PPARGC1A: variants seen among roughly 807,000 people sequenced by gnomAD.
The protein encoded by PPARGC1A is PPARG coactivator 1 alpha.
In PPARGC1A, 25 loss-of-function variants were observed where a neutral mutation model predicts 88.7. The observed-to-expected ratio is 0.28, with a 90% CI of 0.21 to 0.39. The LOEUF is 0.39. PPARGC1A is among the 10% of genes least tolerant of loss of function. PPARGC1A has a pLI of 1.00. For missense variants in PPARGC1A, 880 were observed against 968.7 expected (o/e 0.91, Z 1.22); for synonymous variants, 363 against 355.6 (o/e 1.02, Z -0.24).
the PPARGC1A span, among the ~76,000 whole-genome samples, chr4:23,967,881 A>G: frequency 2.0e-5 from 3 of 152,304 alleles, no homozygotes; most frequent in East Asian, 5.8e-4. Flanking sequence ...ATAGGAACAT[A>G]TAGCTTAGAG....
At chr4:24,260,861 C>A in the PPARGC1A span, among the ~76,000 whole-genome samples, 55,207 of 151,954 alleles carry the variant, frequency 0.36, 11,046 homozygotes, top group Non-Finnish European at 0.46. Flanking sequence ...TTTATTTTCC[C>A]AGTTTGGGTC....
the PPARGC1A span, among the ~76,000 whole-genome samples, chr4:24,185,214 T>C: frequency 5.3e-4 from 81 of 152,284 alleles, no homozygotes; most frequent in Non-Finnish European, 1.0e-3. Context: ...TGAGTAATTA[T>C]GTCCTTCACC....
At chr4:24,033,354 GT>G in the PPARGC1A span, among the ~76,000 whole-genome samples, 1 of 151,994 alleles carries the variant, frequency 6.6e-6, no homozygotes, top group African/African-American at 2.4e-5. Flanking sequence ...AGCACTTACT[GT>G]TTTTATAATA....
At position 23,814,283 on chromosome 4, in the gene PPARGC1A, T is replaced by C. The variant is rs1721511355; in HGVS notation, c.1200A>G (p.Ile400Met). The change falls in exon 8 of 13, where the codon ATA becomes ATG. Residue 400 changes from isoleucine to methionine, a missense_variant. Coordinates refer to ENST00000264867, the MANE Select transcript of PPARGC1A (RefSeq NM_013261.5). Reference protein sequence around the residue: ...INSKTEILINISQELQDSRQL... With the variant: ...INSKTEILINMSQELQDSRQL... Reference sequence around the variant, plus strand: ...GTCTAGAGTCTTGGAGCTCCTGTGATATATTAATGAGTATTTCTGTTTTGG... The same window carrying C: ...GTCTAGAGTCTTGGAGCTCCTGTGACATATTAATGAGTATTTCTGTTTTGG... The C allele has an allele frequency of 6.2e-7, 1 of 1,614,086 alleles. No individual in the cohort carries two copies. Among genetic ancestry groups the C allele is most frequent in the Non-Finnish European group, 8.5e-7 (1 of 1,179,996 alleles).
At chr4:24,371,562 G>C in the PPARGC1A span, among the ~76,000 whole-genome samples, 1 of 152,156 alleles carries the variant, frequency 6.6e-6, no homozygotes, top group South Asian at 2.1e-4. Context: ...AAGTCTAAGA[G>C]GAAAAGGAAA....
At chr4:24,272,680 A>G in the PPARGC1A span, among the ~76,000 whole-genome samples, 7 of 152,128 alleles carry the variant, frequency 4.6e-5, no homozygotes, top group African/African-American at 1.2e-4. Flanking sequence ...AGAACCCCCA[A>G]CGTCATCATA....
At chr4:23,864,381 TATC>T (rs2148727030) in intron 2 of PPARGC1A, among the ~76,000 whole-genome samples, 1 of 152,308 alleles carries the variant, frequency 6.6e-6, no homozygotes, top group African/African-American at 2.4e-5. Context: ...GGTCTGTAAT[TATC>T]ATGGTTTCCG....
the PPARGC1A span, among the ~76,000 whole-genome samples, chr4:23,996,905 T>C: frequency 6.6e-6 from 1 of 152,210 alleles, no homozygotes; most frequent in Non-Finnish European, 1.5e-5. Context: ...TGAAGGACAG[T>C]AATTAAACTT....
At chr4:24,033,247 T>C in the PPARGC1A span, among the ~76,000 whole-genome samples, 11 of 152,348 alleles carry the variant, frequency 7.2e-5, no homozygotes, top group East Asian at 9.6e-4. Flanking sequence ...GTAATTAGAA[T>C]AGTCCCTCCC....
chr4:24,315,434 G>T, the PPARGC1A span, among the ~76,000 whole-genome samples: 1 of 152,120 alleles, frequency 6.6e-6, no homozygotes, highest in South Asian at 2.1e-4. Flanking sequence ...CATAGCGTTA[G>T]GTGCCAAACA....
the PPARGC1A span, among the ~76,000 whole-genome samples, chr4:24,140,137 G>A: frequency 2.0e-5 from 3 of 152,152 alleles, no homozygotes; most frequent in African/African-American, 4.8e-5. Flanking sequence ...ATCTATCTGT[G>A]TGAAACGCTA....
chr4:23,827,692 C>G (rs1172048401), intron 5 of PPARGC1A, among the ~76,000 whole-genome samples: 1 of 152,142 alleles, frequency 6.6e-6, no homozygotes, highest in Non-Finnish European at 1.5e-5. Context: ...TAATAAAAAT[C>G]AACCCAGATG....
At chr4:24,154,896 A>T in the PPARGC1A span, among the ~76,000 whole-genome samples, 3 of 152,214 alleles carry the variant, frequency 2.0e-5, no homozygotes, top group Admixed American at 6.5e-5. Flanking sequence ...CATTGTGGAA[A>T]GCCCTTTGGA....
At chr4:24,115,204 T>A in the PPARGC1A span, among the ~76,000 whole-genome samples, 1 of 152,224 alleles carries the variant, frequency 6.6e-6, no homozygotes, top group Non-Finnish European at 1.5e-5. Context: ...GAAAGAAATG[T>A]CATCCAATAA....
At chr4:24,084,242 A>C in the PPARGC1A span, among the ~76,000 whole-genome samples, 1 of 152,200 alleles carries the variant, frequency 6.6e-6, no homozygotes, top group Non-Finnish European at 1.5e-5. Context: ...TCCTGGCTAG[A>C]CCCTCCTGCA....
chr4:24,315,883 T>C, the PPARGC1A span, among the ~76,000 whole-genome samples: 1 of 152,198 alleles, frequency 6.6e-6, no homozygotes, highest in Non-Finnish European at 1.5e-5. Context: ...CCAGACCCAA[T>C]CTGGAGTGCA....
chr4:24,010,907 AGAGAGTCCCCGT>A, the PPARGC1A span, among the ~76,000 whole-genome samples: 3 of 152,166 alleles, frequency 2.0e-5, no homozygotes, highest in African/African-American at 7.2e-5. Context: ...TTAGAATGGC[AGAGAGTCCCCGT>A]GAGTGATAAT....
At chr4:24,399,250 T>C in the PPARGC1A span, among the ~76,000 whole-genome samples, 3 of 152,254 alleles carry the variant, frequency 2.0e-5, no homozygotes, top group Non-Finnish European at 2.9e-5. Flanking sequence ...ATGTTAGTTA[T>C]ATTTTATCTA....
the PPARGC1A span, among the ~76,000 whole-genome samples, chr4:24,285,430 A>G: frequency 6.6e-6 from 1 of 152,174 alleles, no homozygotes; most frequent in African/African-American, 2.4e-5. Flanking sequence ...GGGGCTGTAA[A>G]AAAACAGGTG....
Sources: allele counts gnomAD v4.1 joint callset (sites outside exome capture counted in the v4.1 genomes callset), GRCh38; gene constraint gnomAD v4.1.1; transcripts MANE v1.5; gene names NCBI Gene and HGNC (gene_info 2026-07-23, HGNC 2026-07-21).